APTX: variants seen among roughly 807,000 people sequenced by gnomAD.
APTX encodes the protein forkhead-associated domain histidine triad-like protein.
Under a neutral mutation model 42.3 loss-of-function variants are expected in APTX, and 33 were observed. That is an observed-to-expected ratio of 0.78 (90% CI 0.59 to 1.04). The LOEUF (loss-of-function observed/expected upper bound fraction) is 1.04. APTX is among the 50% of genes least tolerant of loss of function. APTX has a pLI of 0.00. For synonymous variants in APTX, 130 were observed against 146.7 expected (o/e 0.89, Z 0.82); for missense variants, 421 against 415.1 (o/e 1.01, Z -0.12).
chr9:33,009,304 C>A (rs2119216082), intron 1 of APTX, among the ~76,000 whole-genome samples: 1 of 152,296 alleles, frequency 6.6e-6, no homozygotes, highest in Non-Finnish European at 1.5e-5. Flanking sequence ...TTCTAACTTA[C>A]TTAACCTGCC....
chr9:32,986,244 ACT>A, intron 4 of APTX: 2 of 678,946 alleles, frequency 2.9e-6, no homozygotes, highest in South Asian at 1.5e-5. Flanking sequence ...ACAAAGTCTC[ACT>A]CTGTCTCACC....
At chr9:33,005,420 ATTTT>A (rs1462171455), upstream of APTX, among the ~76,000 whole-genome samples, 3 of 151,328 alleles carry the variant, frequency 2.0e-5, no homozygotes, top group African/African-American at 4.9e-5. Context: ...GTGTGGTTTT[ATTTT>A]TTTGTTTTTT....
At chr9:33,017,940 CT>C (rs1242470747) in intron 1 of APTX, among the ~76,000 whole-genome samples, 12 of 143,784 alleles carry the variant, frequency 8.3e-5, no homozygotes, top group Non-Finnish European at 1.2e-4. Context: ...CCCCCCCCCC[CT>C]CCCATTTTCG....
chr9:32,990,261 C>T (rs1833271210), intron 1 of APTX, among the ~76,000 whole-genome samples: 1 of 152,188 alleles, frequency 6.6e-6, no homozygotes, highest in Non-Finnish European at 1.5e-5. Context: ...CAACCTCCAC[C>T]TTCCGGGTTC....
intron 1 of APTX, among the ~76,000 whole-genome samples, chr9:33,000,875 C>T (rs1391292562): frequency 1.1e-5 from 1 of 93,528 alleles, no homozygotes; most frequent in African/African-American, 4.2e-5. Context: ...GACGGAGTTT[C>T]GCTCTTGGCA....
intron 6 of APTX, among the ~76,000 whole-genome samples, chr9:32,977,225 C>T (rs1183104096): frequency 6.6e-6 from 1 of 152,194 alleles, no homozygotes; most frequent in African/African-American, 2.4e-5. Context: ...GTGGCTCATA[C>T]CTGTAATCCC....
At position 33,019,926 on chromosome 9, in the gene APTX, G is replaced by T. The variant is rs79273005; in HGVS notation, c.-5+5097C>A. On this transcript the variant is annotated intron_variant, in intron 1 of 6. Transcript: ENST00000436040. ...GCAATTTCCACCTCTAAGGGGGTCG[G>T]GAAAGGCACGCTGAGGGTGAATATG... 599 of 503,082 alleles carry T rather than the reference G, an allele frequency of 1.2e-3. 1 individual carries two copies. Among genetic ancestry groups the T allele is most frequent in the African/African-American group, 0.011 (556 of 50,162 alleles). The allele number at this position is 503,082 out of a possible 1,614,324, so 31.2% of individuals were successfully genotyped here.
At chr9:33,010,069 T>C (rs551054832) in intron 1 of APTX, among the ~76,000 whole-genome samples, 2 of 152,138 alleles carry the variant, frequency 1.3e-5, no homozygotes, top group South Asian at 4.1e-4. Flanking sequence ...CTGGCTACTT[T>C]AAAGACTGAT....
intron 1 of APTX, among the ~76,000 whole-genome samples, chr9:33,000,625 C>CAAAAAAAAAAAAAAAAAAAAAAAAAA (rs60760701): frequency 1.6e-4 from 10 of 63,434 alleles, no homozygotes; most frequent in African/African-American, 2.4e-4. Flanking sequence ...GACTCTGTCT[C>CAAAAAAAAAAAAAAAAAAAAAAAAAA]AAAAAAAAAA....
chr9:32,987,737 A>G lies in APTX; in HGVS notation c.290T>C (p.Ile97Thr), dbSNP rs1352508708. ...CTTTGCCTCTTCCTCAAACTCTACAATATATGGATAAAGTTCATTCACCAT... is the reference window on the plus strand; with the variant it reads ...CTTTGCCTCTTCCTCAAACTCTACAGTATATGGATAAAGTTCATTCACCAT... ...LHMVNELYPYIVEFEEEAKNP... is the reference protein window; with the variant it reads ...LHMVNELYPYTVEFEEEAKNP... Residue 97 changes from isoleucine (I) to threonine (T), a missense_variant, in exon 4 of 8, where the codon ATT (isoleucine) becomes ACT (threonine). By Grantham distance (89) the Ile-to-Thr change is moderately conservative. Transcript: ENST00000379817. The G allele has an allele frequency of 1.2e-6, 2 of 1,614,010 alleles. No homozygotes were observed. The highest frequency in any genetic ancestry group is 2.7e-5 in the African/African-American group (2 of 74,884).
intron 1 of APTX, 157 bp downstream of exon 1, chr9:33,001,410 A>G: frequency 6.5e-7 from 1 of 1,535,594 alleles, no homozygotes; most frequent in East Asian, 2.4e-5. Context: ...AGCCCAAGGT[A>G]GTAACAGGGG....
intron 1 of APTX, chr9:33,016,328 T>C (rs1198347060): frequency 6.6e-6 from 1 of 152,224 alleles, no homozygotes; most frequent in Non-Finnish European, 1.5e-5. Context: ...TAGCTTTTTT[T>C]CTTAAGCGTT....
chr9:32,983,844 G>A (rs1042296561), intron 6 of APTX, among the ~76,000 whole-genome samples: 2 of 152,170 alleles, frequency 1.3e-5, no homozygotes, highest in Non-Finnish European at 2.9e-5. Flanking sequence ...TGGTTGCCAG[G>A]AGTGGGAGGG....
At chr9:33,023,532 TG>T (rs1162299645) in intron 1 of APTX, among the ~76,000 whole-genome samples, 7 of 152,208 alleles carry the variant, frequency 4.6e-5, no homozygotes, top group Non-Finnish European at 1.0e-4. Context: ...CTGACTTACG[TG>T]ATTTTTGTAT....
intron 1 of APTX, chr9:33,001,281 AG>A: frequency 1.1e-6 from 1 of 921,246 alleles, no homozygotes; most frequent in Non-Finnish European, 1.6e-6. Context: ...TTGGTTGGAC[AG>A]GGCCCATTCT....
chr9:33,021,461 G>A (rs1213087751), intron 1 of APTX, among the ~76,000 whole-genome samples: 1 of 152,168 alleles, frequency 6.6e-6, no homozygotes, highest in South Asian at 2.1e-4. Context: ...AAAATACAAG[G>A]AATATTCTAA....
At chr9:32,982,477 T>A (rs1830903320) in intron 6 of APTX, among the ~76,000 whole-genome samples, 1 of 152,238 alleles carries the variant, frequency 6.6e-6, no homozygotes, top group African/African-American at 2.4e-5. Flanking sequence ...TTTGTTCTTT[T>A]TCATACTTAA....
intron 1 of APTX, chr9:33,001,365 G>C: frequency 2.0e-6 from 3 of 1,530,050 alleles, no homozygotes; most frequent in Non-Finnish European, 1.7e-6. Flanking sequence ...CAAACGCAAA[G>C]TGGGTCGAAG....
rs761257788 is a variant in APTX at position 32,973,319 on chromosome 9, C to T, written c.*179G>A. Reference sequence around the variant, plus strand: ...ATACATCTATGACAAACCCAAATTCCTAATCCTGAAGTACTTTGAGCCACT... The same window carrying T: ...ATACATCTATGACAAACCCAAATTCTTAATCCTGAAGTACTTTGAGCCACT... On this transcript the variant is annotated 3_prime_UTR_variant, in exon 8 of 8. Coordinates refer to ENST00000379817, the MANE Select transcript of APTX (RefSeq NM_001195248.2). The T allele has an allele frequency of 1.3e-6, 1 of 772,510 alleles. No homozygotes were observed. The allele number at this position is 772,510 out of a possible 1,614,324, so 47.9% of individuals were successfully genotyped here.
Sources: gnomAD v4.1 joint callset for allele counts (sites outside exome capture counted in the v4.1 genomes callset) on GRCh38, gnomAD v4.1.1 for gene constraint, MANE v1.5 for transcripts, NCBI Gene and HGNC (gene_info 2026-07-23, HGNC 2026-07-21) for gene names.